EYS: variants seen among roughly 807,000 people sequenced by gnomAD.
EYS encodes the protein EGF-like photoreceptor maintenance factor.
Under a neutral mutation model 282.1 loss-of-function variants are expected in EYS, and 250 were observed. That is an observed-to-expected ratio of 0.89 (90% CI 0.80 to 0.98). The LOEUF is 0.98. Among genes scored for constraint, EYS ranks in the 50% least tolerant of loss-of-function variants. The pLI, the probability that EYS is intolerant of heterozygous loss-of-function variation, is 0.00. For missense variants in EYS, 4,016 were observed against 3,709.0 expected (o/e 1.08, Z -2.15); for synonymous variants, 1,355 against 1,282.9 (o/e 1.06, Z -1.20).
At chr6:64,146,050 TCA>T (rs1367088244) in intron 31 of EYS, among the ~76,000 whole-genome samples, 1 of 152,134 alleles carries the variant, frequency 6.6e-6, no homozygotes, top group Non-Finnish European at 1.5e-5. Context: ...AAGTCTTCTG[TCA>T]CAGTTTTCCT....
intron 12 of EYS, among the ~76,000 whole-genome samples, chr6:65,154,283 G>A (rs1252161332): frequency 6.6e-6 from 1 of 151,074 alleles, no homozygotes; most frequent in East Asian, 2.0e-4. Context: ...GCCTTAAAAT[G>A]GACAAAAGTA....
chr6:64,189,035 T>A (rs187950426), intron 31 of EYS, among the ~76,000 whole-genome samples: 2 of 152,314 alleles, frequency 1.3e-5, no homozygotes, highest in African/African-American at 4.8e-5. Context: ...TGTAATATCA[T>A]TGAAAAACTC....
intron 30 of EYS, among the ~76,000 whole-genome samples, chr6:64,265,737 T>C (rs1268549195): frequency 2.0e-5 from 3 of 152,158 alleles, no homozygotes; most frequent in African/African-American, 4.8e-5. Flanking sequence ...AATTCCAGAT[T>C]TGAAAATGCT....
At chr6:64,647,815 C>A (rs1325304917) in intron 22 of EYS, among the ~76,000 whole-genome samples, 1 of 152,138 alleles carries the variant, frequency 6.6e-6, no homozygotes, top group East Asian at 1.9e-4. Flanking sequence ...TCAACCGACT[C>A]CTTATAGGTA....
At chr6:64,904,804 A>C (rs1417183950) in intron 16 of EYS, among the ~76,000 whole-genome samples, 1 of 152,102 alleles carries the variant, frequency 6.6e-6, no homozygotes, top group Non-Finnish European at 1.5e-5. Flanking sequence ...CTCACAGGAT[A>C]ACCTTGTTTC....
intron 24 of EYS, among the ~76,000 whole-genome samples, chr6:64,599,179 G>A (rs910067577): frequency 1.3e-5 from 2 of 152,108 alleles, no homozygotes; most frequent in Admixed American, 1.3e-4. Flanking sequence ...AAATAAGAAA[G>A]TTCTAATCTT....
At chr6:63,863,599 A>T (rs1772589323) in intron 36 of EYS, among the ~76,000 whole-genome samples, 2 of 146,198 alleles carry the variant, frequency 1.4e-5, no homozygotes, top group Non-Finnish European at 3.0e-5. Flanking sequence ...CAATACATAG[A>T]TTTTCTGTAC....
At chr6:65,178,529 C>A (rs2150231568) in intron 12 of EYS, among the ~76,000 whole-genome samples, 1 of 152,080 alleles carries the variant, frequency 6.6e-6, no homozygotes, top group Middle Eastern at 3.4e-3. Context: ...AATATATATG[C>A]ACCCAATACA....
At chr6:64,302,949 A>G (rs879708039) in intron 30 of EYS, among the ~76,000 whole-genome samples, 1 of 152,044 alleles carries the variant, frequency 6.6e-6, no homozygotes, top group Non-Finnish European at 1.5e-5. Context: ...GATGCATCAA[A>G]CCATACCATG....
chr6:64,404,856 G>T (rs1254117272), intron 28 of EYS, among the ~76,000 whole-genome samples: 2 of 152,134 alleles, frequency 1.3e-5, no homozygotes, highest in Non-Finnish European at 2.9e-5. Context: ...ACGTAAGAAG[G>T]CATGAGTTGA....
At chr6:65,201,251 T>C (rs1336224598) in intron 12 of EYS, among the ~76,000 whole-genome samples, 2 of 152,134 alleles carry the variant, frequency 1.3e-5, no homozygotes, top group Non-Finnish European at 2.9e-5. Flanking sequence ...TGACATAACA[T>C]TTAAATTTAA....
At chr6:64,997,981 T>A (rs934765594) in intron 13 of EYS, among the ~76,000 whole-genome samples, 3 of 152,120 alleles carry the variant, frequency 2.0e-5, no homozygotes, top group African/African-American at 7.2e-5. Context: ...AATGAAAATA[T>A]CCAATTTTAC....
intron 30 of EYS, among the ~76,000 whole-genome samples, 158 bp from the exon 31 acceptor site, chr6:64,230,982 A>G (rs974429255): frequency 1.3e-5 from 2 of 152,230 alleles, no homozygotes; most frequent in Non-Finnish European, 2.9e-5. Context: ...TTGTTTCACA[A>G]TTATGAGATT....
At chr6:65,367,909 T>A (rs1446790595) in intron 8 of EYS, among the ~76,000 whole-genome samples, 1 of 151,608 alleles carries the variant, frequency 6.6e-6, no homozygotes, top group Non-Finnish European at 1.5e-5. Flanking sequence ...CCTGAGCATT[T>A]CTGTATTAGT....
chr6:63,739,406 AG>A (rs1769016248), intron 41 of EYS, among the ~76,000 whole-genome samples: 1 of 152,118 alleles, frequency 6.6e-6, no homozygotes, highest in Non-Finnish European at 1.5e-5. Context: ...CAAAGTGGCC[AG>A]GTCTTTGGAG....
intron 7 of EYS, 69 bp from the exon 8 acceptor site, chr6:65,384,569 AT>A: frequency 1.3e-6 from 1 of 788,730 alleles, no homozygotes. Flanking sequence ...TATTAACATT[AT>A]TCCAAAAGGA....
At chr6:63,799,349 A>G (rs1359319956) in intron 37 of EYS, among the ~76,000 whole-genome samples, 1 of 152,002 alleles carries the variant, frequency 6.6e-6, no homozygotes, top group Admixed American at 6.6e-5. Context: ...ATATAATTTT[A>G]ATACAAACTA....
chr6:64,909,465 ATTTCTTACAGATATTGTGCCTAT>A (rs1158753338), intron 16 of EYS, among the ~76,000 whole-genome samples: 12 of 152,172 alleles, frequency 7.9e-5, no homozygotes, highest in African/African-American at 2.9e-4. Flanking sequence ...ATTAAAGCTA[ATTTCTTACAGATATTGTGCCTAT>A]TTTCTTACAG....
chr6:64,270,381 G>C (rs1203219279), intron 30 of EYS, among the ~76,000 whole-genome samples: 2 of 151,942 alleles, frequency 1.3e-5, no homozygotes, highest in African/African-American at 2.4e-5. Flanking sequence ...ATTGCCGGGG[G>C]TGGGGGGAAT....
Sources: allele counts gnomAD v4.1 joint callset (sites outside exome capture counted in the v4.1 genomes callset), GRCh38; gene constraint gnomAD v4.1.1; transcripts MANE v1.5; gene names NCBI Gene and HGNC (gene_info 2026-07-23, HGNC 2026-07-21).